Variants in ULK4 observed in about 807,000 individuals in gnomAD.
ULK4 encodes the protein inactive serine/threonine-protein kinase ULK4.
ULK4 carries 133 observed loss-of-function variants against 160.6 expected under a neutral mutation model. The observed-to-expected ratio is 0.83, with a 90% confidence interval of 0.72 to 0.96. The LOEUF (loss-of-function observed/expected upper bound fraction) is 0.96, where lower values mean the gene tolerates loss of function less well. Ranked by LOEUF, ULK4 falls within the 40% of genes least tolerant of loss-of-function variation. The pLI is 0.00. For missense variants in ULK4, 1,580 were observed against 1,499.5 expected (o/e 1.05, Z -0.89); for synonymous variants, 534 against 539.8 (o/e 0.99, Z 0.15).
intron 21 of ULK4, among the ~76,000 whole-genome samples, chr3:41,767,861 G>A (rs1308065125): frequency 6.6e-6 from 1 of 152,090 alleles, no homozygotes; most frequent in Non-Finnish European, 1.5e-5. Flanking sequence ...TTACCTCAAA[G>A]GGATGAACAA....
chr3:41,352,502 C>G (rs962979564), intron 35 of ULK4, among the ~76,000 whole-genome samples: 3 of 152,206 alleles, frequency 2.0e-5, no homozygotes, highest in Non-Finnish European at 4.4e-5. Context: ...TGGGGGCCCC[C>G]TGTCAACCTA....
intron 20 of ULK4, among the ~76,000 whole-genome samples, chr3:41,798,826 T>A (rs2040374713): frequency 6.6e-6 from 1 of 151,386 alleles, no homozygotes; most frequent in Non-Finnish European, 1.5e-5. Flanking sequence ...CATTTGAGAG[T>A]CAGGAAAGGG....
chr3:41,804,003 T>C (rs2040555989), intron 19 of ULK4, among the ~76,000 whole-genome samples: 1 of 152,166 alleles, frequency 6.6e-6, no homozygotes, highest in African/African-American at 2.4e-5. Context: ...ATATACCCAG[T>C]AATGGGATGG....
intron 12 of ULK4, among the ~76,000 whole-genome samples, chr3:41,901,172 CTTTTT>C (rs201425733): frequency 8.3e-6 from 1 of 119,926 alleles, no homozygotes; most frequent in African/African-American, 3.5e-5. Context: ...AGCATGGCTT[CTTTTT>C]TTTTTTTTTT....
At chr3:41,273,954 T>A (rs2079184555) in intron 35 of ULK4, among the ~76,000 whole-genome samples, 1 of 152,184 alleles carries the variant, frequency 6.6e-6, no homozygotes, top group African/African-American at 2.4e-5. Flanking sequence ...GGCCATGCCC[T>A]TGAACTACCT....
intron 6 of ULK4, among the ~76,000 whole-genome samples, chr3:41,919,253 T>C (rs1026886193): frequency 6.6e-6 from 1 of 152,218 alleles, no homozygotes; most frequent in African/African-American, 2.4e-5. Flanking sequence ...AATCTGCATA[T>C]GCCTAGATAC....
chr3:41,519,511 A>T (rs1427712353), intron 32 of ULK4, among the ~76,000 whole-genome samples: 2 of 152,208 alleles, frequency 1.3e-5, no homozygotes, highest in African/African-American at 4.8e-5. Flanking sequence ...GAGACATTTG[A>T]TGTTCCTCAG....
chr3:41,893,731 TTAA>T (rs1340359317), intron 16 of ULK4, among the ~76,000 whole-genome samples: 3 of 152,154 alleles, frequency 2.0e-5, no homozygotes, highest in Non-Finnish European at 4.4e-5. Context: ...TTTTTAAATG[TTAA>T]TAATAACATT....
chr3:41,454,298 G>A (rs1164054308), intron 34 of ULK4, among the ~76,000 whole-genome samples: 1 of 150,534 alleles, frequency 6.6e-6, no homozygotes, highest in East Asian at 2.0e-4. Context: ...CCAGCAATTT[G>A]GGAGGCCAAG....
rs770004582 is a variant in ULK4 at position 41,907,850 on chromosome 3, T to G, written c.1177A>C (p.Thr393Pro). The change falls in exon 12 of 37, where the codon ACC becomes CCC. Residue 393 changes from threonine (T) to proline (P), a missense_variant. Thr to Pro is a conservative substitution (Grantham distance 38). Transcript: ENST00000301831. ...HCSPQKTSPL[T>P]KITSGHLSQQ... ...AATTTCCCAAGTCTGCTCACCTTGG[T>G]CAGAGGAGAAGTCTTCTGTGGTGAA... 2.5e-6 allele frequency: 4 copies of G among 1,576,518 alleles called. No homozygotes were observed. The highest frequency in any genetic ancestry group is 3.4e-6 in the Non-Finnish European group (4 of 1,163,646).
intron 17 of ULK4, among the ~76,000 whole-genome samples, chr3:41,846,208 G>A (rs2042065643): frequency 6.6e-6 from 1 of 151,816 alleles, no homozygotes. Flanking sequence ...TTCTCCTCAA[G>A]GTTATTTGTA....
intron 32 of ULK4, among the ~76,000 whole-genome samples, chr3:41,529,554 G>A (rs1425898899): frequency 6.6e-6 from 1 of 152,062 alleles, no homozygotes; most frequent in African/African-American, 2.4e-5. Flanking sequence ...GCACAATCTC[G>A]GCTCACTGCA....
intron 32 of ULK4, among the ~76,000 whole-genome samples, chr3:41,557,545 C>G (rs1281844469): frequency 6.6e-6 from 1 of 151,008 alleles, no homozygotes; most frequent in Admixed American, 6.6e-5. Flanking sequence ...GTGGAAAGAT[C>G]ATTTGAGGCC....
chr3:41,625,329 GAC>G (rs2033448093), intron 30 of ULK4, among the ~76,000 whole-genome samples: 1 of 152,146 alleles, frequency 6.6e-6, no homozygotes, highest in Non-Finnish European at 1.5e-5. Context: ...TTGCTTTAGA[GAC>G]AATATTCATT....
chr3:41,251,299 T>C (rs1268618497), intron 35 of ULK4, among the ~76,000 whole-genome samples: 2 of 152,364 alleles, frequency 1.3e-5, no homozygotes, highest in African/African-American at 4.8e-5. Context: ...TTGTTCTGTA[T>C]ATAAGGATGA....
intron 1 of ULK4, among the ~76,000 whole-genome samples, chr3:41,960,620 C>A (rs1246676141): frequency 6.6e-6 from 1 of 152,136 alleles, no homozygotes; most frequent in Non-Finnish European, 1.5e-5. Context: ...CTGCCTCGGC[C>A]TTCCAAAGTG....
intron 32 of ULK4, among the ~76,000 whole-genome samples, chr3:41,550,162 T>C (rs759324445): frequency 6.6e-6 from 1 of 151,780 alleles, no homozygotes; most frequent in Non-Finnish European, 1.5e-5. Context: ...AAAATTCAAA[T>C]GCAAGCATAA....
intron 34 of ULK4, among the ~76,000 whole-genome samples, chr3:41,431,353 ACAAATAAT>A (rs2125846442): frequency 8.5e-6 from 1 of 118,018 alleles, no homozygotes; most frequent in African/African-American, 3.3e-5. Flanking sequence ...TCACACACAC[ACAAATAAT>A]AATAATAATA....
chr3:41,723,800 A>G (rs753472667), intron 22 of ULK4, among the ~76,000 whole-genome samples: 19 of 152,390 alleles, frequency 1.2e-4, no homozygotes, highest in Non-Finnish European at 2.5e-4. Flanking sequence ...ATTTATGCAC[A>G]GTAAATACTG....
Sources: allele counts gnomAD v4.1 joint callset (sites outside exome capture counted in the v4.1 genomes callset), GRCh38; gene constraint gnomAD v4.1.1; transcripts MANE v1.5; gene names NCBI Gene and HGNC (gene_info 2026-07-23, HGNC 2026-07-21).